The following PGBD5 variants were observed in gnomAD, a reference collection of about 807,000 sequenced individuals.
PGBD5 encodes the protein piggyBac transposable element derived 5, also known as piggyBac transposable element-derived protein 5.
PGBD5 carries 14 observed loss-of-function variants against 47.9 expected under a neutral mutation model. The observed-to-expected ratio is 0.29, with a 90% CI of 0.19 to 0.46. PGBD5 has a LOEUF of 0.46. Among genes scored for constraint, PGBD5 ranks in the 20% least tolerant of loss-of-function variants. The probability of loss-of-function intolerance (pLI) is 1.00; values close to 1 mark genes in which losing one functional copy is unlikely to be tolerated. For missense variants in PGBD5, 635 were observed against 716.0 expected, an observed-to-expected ratio of 0.89 and a Z score of 1.29; for synonymous variants, 316 against 306.3, an observed-to-expected ratio of 1.03 and a Z score of -0.33.
intron 1 of PGBD5, among the ~76,000 whole-genome samples, chr1:230,395,710 T>C (rs947242286): frequency 3.6e-4 from 1 of 2,742 alleles, no homozygotes; most frequent in Non-Finnish European, 6.1e-4. Context: ...CCCACCCTCC[T>C]CCCCTCCTCT....
intron 1 of PGBD5, among the ~76,000 whole-genome samples, chr1:230,385,455 G>A (rs1311960207): frequency 2.0e-5 from 3 of 152,248 alleles, no homozygotes; most frequent in East Asian, 1.9e-4. Flanking sequence ...AAGGACCCAC[G>A]ACTGAGATTC....
intron 3 of PGBD5, 148 bp from the exon 4 acceptor site, chr1:230,337,436 C>G: frequency 1.2e-6 from 1 of 806,558 alleles, no homozygotes; most frequent in South Asian, 1.9e-5. Flanking sequence ...CTCACAGGGA[C>G]TCTAGGTCAC....
chr1:230,396,265 CCTT>C lies in PGBD5; in HGVS notation c.331+29330_331+29332del, dbSNP rs1346848609. Among the ~76,000 whole-genome samples, 11 of 53,014 alleles carry C rather than the reference CCTT, an allele frequency of 2.1e-4. 1 individual carries two copies. Among genetic ancestry groups the C allele is most frequent in the African/African-American group, 8.1e-4 (10 of 12,318 alleles). 34.8% of individuals were successfully genotyped at this position (53,014 alleles called of 152,430 possible). The stretch of plus-strand genomic sequence containing the variant: ...TCCTCCCTTTTACCCCCACACTCCT[CCTT>C]TTTACCCCCACACTCTTCCCTTTTA... On this transcript the variant is annotated intron_variant, in intron 1 of 6. Transcript: ENST00000391860.
chr1:230,404,410 T>C (rs986696091), intron 1 of PGBD5, among the ~76,000 whole-genome samples: 3 of 151,420 alleles, frequency 2.0e-5, no homozygotes, highest in Non-Finnish European at 4.4e-5. Context: ...AGCCTAGGAG[T>C]TTGGGACCAG....
chr1:230,402,662 C>A (rs904510527), intron 1 of PGBD5, among the ~76,000 whole-genome samples: 2 of 152,100 alleles, frequency 1.3e-5, no homozygotes, highest in Admixed American at 1.3e-4. Flanking sequence ...CCAGGTTGGT[C>A]TCAAACTCCT....
At chr1:230,353,679 A>G (rs1048112143) in intron 2 of PGBD5, among the ~76,000 whole-genome samples, 4 of 152,174 alleles carry the variant, frequency 2.6e-5, no homozygotes, top group Admixed American at 2.6e-4. Context: ...CCATCCACAC[A>G]CACACCTGAT....
rs1456388248 is a variant in PGBD5, at chr1:230,351,095, G to T, written c.760-3C>A. 4 of 1,609,846 alleles carry T rather than the reference G, an allele frequency of 2.5e-6. No individual in the cohort carries two copies. Among genetic ancestry groups the T allele is most frequent in the East Asian group, 4.5e-5 (2 of 44,612 alleles). The stretch of plus-strand genomic sequence containing the variant: ...TCGATCAGGGGTTCATGTAGCACCT[G>T]CCAGGAGGGAAAAAGCAGAGGCTCT... On this transcript the variant is annotated splice_region_variant and splice_polypyrimidine_tract_variant and intron_variant, in intron 2 of 6. Transcript: ENST00000391860.
intron 1 of PGBD5, among the ~76,000 whole-genome samples, chr1:230,382,595 G>A (rs774572125): frequency 7.9e-5 from 12 of 152,302 alleles, no homozygotes; most frequent in Non-Finnish European, 8.8e-5. Context: ...CTTAGGCCCC[G>A]GATTTTCAGC....
At chr1:230,373,920 A>C (rs1196457956) in intron 1 of PGBD5, among the ~76,000 whole-genome samples, 3 of 151,942 alleles carry the variant, frequency 2.0e-5, no homozygotes, top group African/African-American at 7.3e-5. Flanking sequence ...CTGGTCTCTA[A>C]CTCCCAGACT....
intron 1 of PGBD5, chr1:230,367,917 A>G (rs760182347): frequency 6.0e-6 from 8 of 1,342,654 alleles, no homozygotes; most frequent in Admixed American, 4.2e-5. Context: ...AGGCTCGGGG[A>G]AGAGAACTTG....
Position 230,350,303 on chromosome 1 carries a change from G to T in PGBD5, c.894+655C>A, listed in dbSNP as rs530722509. Among the ~76,000 whole-genome samples the T allele has an allele frequency of 2.0e-5, 3 of 152,306 alleles. No individual in the cohort carries two copies. In the South Asian group the frequency reaches 6.2e-4, roughly 32 times the overall value. On this transcript the variant is annotated intron_variant, in intron 3 of 6. Transcript: ENST00000391860. ...ACCATCTCCCTTTGTGTACCCTACT[G>T]CTCCTGGCAGCTCAACCTCAGATGC...
chr1:230,375,215 C>A (rs922874076), intron 1 of PGBD5, among the ~76,000 whole-genome samples: 1 of 152,184 alleles, frequency 6.6e-6, no homozygotes, highest in African/African-American at 2.4e-5. Context: ...ATAAAAGAAT[C>A]CCCCAAATGT....
intron 1 of PGBD5, among the ~76,000 whole-genome samples, chr1:230,358,952 TATTTTTA>T (rs1409396995): frequency 6.6e-6 from 1 of 152,242 alleles, no homozygotes; most frequent in African/African-American, 2.4e-5. Context: ...TACACACATA[TATTTTTA>T]AAGAGCTATG....
rs1170099447 is a variant in PGBD5, at chr1:230,322,294, A to C, written c.*1131T>G. 6.6e-6 allele frequency: 1 copy of C among 152,124 alleles called. No individual in the cohort carries two copies. Among genetic ancestry groups the C allele is most frequent in the Non-Finnish European group, 1.5e-5 (1 of 68,040 alleles). The allele number at this position is 152,124 out of a possible 1,614,324, so 9.4% of individuals were successfully genotyped here. ...CGGCCCTCATGTCAAATCACACCTG[A>C]CCAGAGTTGTCACCACAGTCCTGTT... On this transcript the variant is annotated 3_prime_UTR_variant, in exon 7 of 7. Coordinates refer to ENST00000391860, the MANE Select transcript of PGBD5 (RefSeq NM_001258311.2). The surrounding 1 kb of genome is among the most constrained non-coding windows in gnomAD (Gnocchi z 5.9).
chr1:230,377,569 G>C, intron 1 of PGBD5: 1 of 1,603,660 alleles, frequency 6.2e-7, no homozygotes, highest in Non-Finnish European at 8.5e-7. Context: ...AGGTCCTGCA[G>C]AGTCCCCGAG....
chr1:230,346,490 G>A (rs2102697911), intron 3 of PGBD5, among the ~76,000 whole-genome samples: 1 of 152,334 alleles, frequency 6.6e-6, no homozygotes, highest in South Asian at 2.1e-4. Context: ...GTAAATAGCA[G>A]TGGGAAAGCC....
chr1:230,366,588 G>A (rs150993481), intron 1 of PGBD5, among the ~76,000 whole-genome samples: 2,296 of 152,268 alleles, frequency 0.015, 58 homozygotes, highest in African/African-American at 0.052. Flanking sequence ...TCTGGACCAG[G>A]CTCCAACTCC....
At chr1:230,362,421 T>G in intron 1 of PGBD5, 1 of 1,334,220 alleles carries the variant, frequency 7.5e-7, no homozygotes, top group Non-Finnish European at 9.9e-7. Context: ...GAAGCCTGTG[T>G]CAGACCTGGA....
At chr1:230,386,144 C>A (rs528791126) in intron 1 of PGBD5, among the ~76,000 whole-genome samples, 3 of 152,180 alleles carry the variant, frequency 2.0e-5, no homozygotes, top group Admixed American at 2.0e-4. Flanking sequence ...CTGGGCAACA[C>A]AGCGAGACCC....
Sources: allele counts gnomAD v4.1 joint callset (sites outside exome capture counted in the v4.1 genomes callset), GRCh38; gene constraint gnomAD v4.1.1; non-coding constraint Gnocchi (gnomAD v3.1); transcripts MANE v1.5; gene names NCBI Gene and HGNC (gene_info 2026-07-23, HGNC 2026-07-21).